Variants in PEAK1 observed in about 807,000 individuals in gnomAD.
PEAK1 encodes pseudopodium enriched atypical kinase 1.
PEAK1 carries 54 observed loss-of-function variants against 124.7 expected under a neutral mutation model. The ratio of observed to expected loss-of-function variants is 0.43; its 90% confidence interval spans 0.35 to 0.54. The LOEUF is 0.54. Among genes scored for constraint, PEAK1 ranks in the 20% least tolerant of loss-of-function variants. The pLI is 0.01. For missense variants in PEAK1, 2,046 were observed against 2,134.5 expected (o/e 0.96, Z 0.82); for synonymous variants, 719 against 760.0 (o/e 0.95, Z 0.89).
At chr15:77,392,134 C>A (rs964316541) in intron 1 of PEAK1, among the ~76,000 whole-genome samples, 20 of 152,146 alleles carry the variant, frequency 1.3e-4, no homozygotes, top group African/African-American at 4.6e-4. Flanking sequence ...TTTGCACCCG[C>A]AGCATTTAGC....
At chr15:77,270,021 C>T (rs1477857590) in intron 5 of PEAK1, among the ~76,000 whole-genome samples, 3 of 152,176 alleles carry the variant, frequency 2.0e-5, no homozygotes, top group Non-Finnish European at 4.4e-5. Flanking sequence ...TTTGATTGCA[C>T]TGTGGTCTGA....
chr15:77,362,829 GA>G (rs149175755), intron 2 of PEAK1, among the ~76,000 whole-genome samples: 2,329 of 151,620 alleles, frequency 0.015, 62 homozygotes, highest in African/African-American at 0.053. Flanking sequence ...TGAAAAAAAA[GA>G]AAAAAAAGTG....
chr15:77,117,899 C>T (rs1169356555), intron 9 of PEAK1, among the ~76,000 whole-genome samples: 1 of 152,196 alleles, frequency 6.6e-6, no homozygotes, highest in Non-Finnish European at 1.5e-5. Flanking sequence ...CACACAGACA[C>T]ACACATTTTT....
intron 1 of PEAK1, chr15:77,418,305 AG>A (rs1375837500): frequency 3.7e-5 from 36 of 985,324 alleles, no homozygotes; most frequent in Non-Finnish European, 4.2e-5. Flanking sequence ...AGGGAAAAGA[AG>A]GAACATACAT....
At chr15:77,224,981 C>T (rs990700788) in intron 6 of PEAK1, among the ~76,000 whole-genome samples, 11 of 152,066 alleles carry the variant, frequency 7.2e-5, no homozygotes, top group Non-Finnish European at 1.5e-4. Context: ...CATCCATATG[C>T]AATCACAAAT....
intron 6 of PEAK1, among the ~76,000 whole-genome samples, chr15:77,201,355 C>T (rs1596578906): frequency 6.6e-6 from 1 of 151,132 alleles, no homozygotes; most frequent in Non-Finnish European, 1.5e-5. Context: ...CTCCTGCCTC[C>T]GCCTCCCGAG....
At chr15:77,401,417 T>G (rs1022819476) in intron 1 of PEAK1, 1 of 761,602 alleles carries the variant, frequency 1.3e-6, no homozygotes, top group Non-Finnish European at 1.6e-6. Flanking sequence ...TTTTTCTTGT[T>G]CTTTCAACAT....
At position 77,110,474 on chromosome 15, in the gene PEAK1, G is replaced by A. The variant is rs1213657235; in HGVS notation, c.*3682C>T. ...CAGAAATGTCATTAATATTTCTAGA[G>A]CTTTAGATCTCTTGGCTTAGACTTT... On this transcript the variant is annotated 3_prime_UTR_variant, in exon 10 of 10. Coordinates refer to ENST00000682557, the MANE Select transcript of PEAK1 (RefSeq NM_001385026.1). The A allele has an allele frequency of 1.3e-5, 2 of 152,174 alleles. No homozygotes were observed. The highest frequency in any genetic ancestry group is 4.8e-5 in the African/African-American group (2 of 41,418). The allele number at this position is 152,174 out of a possible 1,614,324, so 9.4% of individuals were successfully genotyped here.
chr15:77,185,892 T>A (rs539750596), intron 6 of PEAK1, among the ~76,000 whole-genome samples: 1 of 152,274 alleles, frequency 6.6e-6, no homozygotes, highest in South Asian at 2.1e-4. Context: ...AACTGTGTTT[T>A]ATGGACAAAG....
Position 77,133,638 on chromosome 15 carries a change from G to C in PEAK1, c.3444C>G (p.Ser1148=), listed in dbSNP as rs372498160. Residue 1148 remains serine (S), a synonymous_variant, in exon 9 of 10, where the codon TCC becomes TCG. Transcript: ENST00000682557. The surrounding 1 kb of genome is among the most constrained non-coding windows in gnomAD (Gnocchi z 4.2). ...GKTDQEAPNA[S]QPTPPPLPKK... ...TTGGCAGTGGGGGTGGTGTAGGTTG[G>C]GAAGCATTGGGTGCTTCTTGGTCTG... 66 of 1,613,986 alleles carry C rather than the reference G, an allele frequency of 4.1e-5. No individual in the cohort carries two copies. Among genetic ancestry groups the C allele is most frequent in the Non-Finnish European group, 5.4e-5 (64 of 1,180,008 alleles).
rs915788350 is a variant in PEAK1 at position 77,162,377 on chromosome 15, C to G, written c.3138-3681G>C. ...GGCGTGGTGGCGGGTGCCTGTAGTC[C>G]CAGGTATCGGGGAGGCCGAGGCAGA... On this transcript the variant is annotated intron_variant, in intron 7 of 9. Coordinates refer to ENST00000682557, the MANE Select transcript of PEAK1 (RefSeq NM_001385026.1). 9.2e-5 allele frequency among the ~76,000 whole-genome samples: 14 copies of G among 151,418 alleles called. No homozygotes were observed. In the South Asian group the frequency reaches 2.9e-3, roughly 32 times the overall value.
chr15:77,398,467 A>C (rs898223707), intron 1 of PEAK1, among the ~76,000 whole-genome samples: 5 of 152,232 alleles, frequency 3.3e-5, no homozygotes, highest in African/African-American at 1.2e-4. Flanking sequence ...GACATATGCA[A>C]ATCAATCAAT....
At position 77,120,807 on chromosome 15, in the gene PEAK1, G is replaced by C. The variant is rs549308939; in HGVS notation, c.4078-5488C>G. ...CCCTTTCCAGTCCTACTTCCCACCTGTGTTCCATTTGCTCTTACTATATTG... is the reference window on the plus strand; with the variant it reads ...CCCTTTCCAGTCCTACTTCCCACCTCTGTTCCATTTGCTCTTACTATATTG... On this transcript the variant is annotated intron_variant, in intron 9 of 9. Coordinates refer to ENST00000682557, the MANE Select transcript of PEAK1 (RefSeq NM_001385026.1). Among the ~76,000 whole-genome samples the C allele has an allele frequency of 1.0e-3, 158 of 152,292 alleles. 1 individual carries two copies. Among genetic ancestry groups the C allele is most frequent in the African/African-American group, 3.3e-3 (137 of 41,556 alleles).
chr15:77,378,188 T>TTATATATATA (rs758426465), intron 1 of PEAK1, among the ~76,000 whole-genome samples: 6,100 of 129,536 alleles, frequency 0.047, 172 homozygotes, highest in Middle Eastern at 0.096. Context: ...TATAACAATA[T>TTATATATATA]TATATATATA....
At chr15:77,183,325 T>C (rs1431483542) in intron 6 of PEAK1, among the ~76,000 whole-genome samples, 3 of 151,900 alleles carry the variant, frequency 2.0e-5, no homozygotes, top group African/African-American at 7.3e-5. Context: ...GACTGTATGC[T>C]TCACTTTTAC....
Position 77,283,916 on chromosome 15 carries a change from A to G in PEAK1, c.-308T>C. The G allele has an allele frequency of 1.0e-6, 1 of 982,066 alleles. No homozygotes were observed. The highest frequency in any genetic ancestry group is 1.2e-6 in the Non-Finnish European group (1 of 826,876). 60.8% of individuals were successfully genotyped at this position (982,066 alleles called of 1,614,324 possible). A position where few individuals can be genotyped will look rare whatever the true frequency, so the allele number is the denominator to read the frequency against. On this transcript the variant is annotated 5_prime_UTR_variant, in exon 5 of 10. An upstream start codon of the reference 5' UTR is lost. Transcript: ENST00000682557. Reference sequence around the variant, plus strand: ...TACTGTTATTTATATAGCTGTAGTCATTACTACTTTCATATTAGAAAATGT... The same window carrying G: ...TACTGTTATTTATATAGCTGTAGTCGTTACTACTTTCATATTAGAAAATGT...
intron 1 of PEAK1, among the ~76,000 whole-genome samples, chr15:77,365,972 T>G (rs1473875393): frequency 6.6e-6 from 1 of 152,048 alleles, no homozygotes; most frequent in South Asian, 2.1e-4. Flanking sequence ...GTAAATTAAA[T>G]AAAACCAATG....
chr15:77,382,984 T>A (rs1424406458), intron 1 of PEAK1, among the ~76,000 whole-genome samples: 1 of 151,164 alleles, frequency 6.6e-6, no homozygotes, highest in Non-Finnish European at 1.5e-5. Context: ...TTCTGAATCA[T>A]CAAAATGTTG....
intron 2 of PEAK1, among the ~76,000 whole-genome samples, chr15:77,354,912 A>G (rs1017857699): frequency 6.6e-6 from 1 of 151,962 alleles, no homozygotes; most frequent in Admixed American, 6.6e-5. Context: ...GGTGGTGGGC[A>G]CCTGTAGTCC....
Sources: gnomAD v4.1 joint callset for allele counts (sites outside exome capture counted in the v4.1 genomes callset) on GRCh38, gnomAD v4.1.1 for gene constraint, Gnocchi (gnomAD v3.1) non-coding constraint, MANE v1.5 for transcripts, NCBI Gene and HGNC (gene_info 2026-07-23, HGNC 2026-07-21) for gene names.